Variants in RPGR observed in about 807,000 individuals in gnomAD.
RPGR encodes retinitis pigmentosa GTPase regulator.
Under a neutral mutation model 56.3 loss-of-function variants are expected in RPGR, and 10 were observed. That is an observed-to-expected ratio of 0.18 (90% CI 0.11 to 0.30). RPGR has a LOEUF of 0.30. RPGR is among the 10% of genes least tolerant of loss of function. The probability of loss-of-function intolerance (pLI) is 1.00; values close to 1 mark genes in which losing one functional copy is unlikely to be tolerated. For missense variants in RPGR, 538 were observed against 590.9 expected (o/e 0.91, Z 0.93); for synonymous variants, 197 against 212.9 (o/e 0.93, Z 0.65).
intron 6 of RPGR, among the ~76,000 whole-genome samples, chrX:38,311,097 A>G (rs753140533): frequency 2.7e-5 from 3 of 112,594 alleles, no homozygotes; most frequent in South Asian, 7.2e-4. Flanking sequence ...CTTGCTCCCT[A>G]TGGTATCCCC....
At chrX:38,313,455 T>C (rs1227142464) in intron 6 of RPGR, among the ~76,000 whole-genome samples, 1 of 112,098 alleles carries the variant, frequency 8.9e-6, no homozygotes, top group African/African-American at 3.2e-5. Flanking sequence ...TAAAAGTGCC[T>C]ATGTGATAGG....
intron 8 of RPGR, among the ~76,000 whole-genome samples, chrX:38,304,309 G>C (rs2067556039): frequency 8.9e-6 from 1 of 111,747 alleles, no homozygotes; most frequent in South Asian, 3.7e-4. Context: ...TTTCCTTTTG[G>C]CCTGAGTAGA....
chrX:38,319,047 C>G (rs1218106146), intron 4 of RPGR, 60 bp from the exon 5 acceptor site: 1 of 1,096,945 alleles, frequency 9.1e-7, no homozygotes, highest in Non-Finnish European at 1.3e-6. Context: ...TGAGACAGGT[C>G]AGTGTATAGC....
chrX:38,319,336 A>T (rs763230072), intron 4 of RPGR, among the ~76,000 whole-genome samples: 5 of 112,945 alleles, frequency 4.4e-5, no homozygotes, highest in African/African-American at 1.6e-4. Context: ...TTTAAAAGAG[A>T]TGTGTCCATT....
chrX:38,321,021 C>T lies in RPGR; in HGVS notation c.310+6G>A. On this transcript the variant is annotated splice_donor_region_variant and intron_variant, in intron 4 of 18. Coordinates refer to ENST00000642395, the MANE Select transcript of RPGR (RefSeq NM_000328.3). ...GGCAGGAAATCATACAGGTTGAGCACTATACCTGTTGACACCAGGGTGTGG... is the reference window on the plus strand; with the variant it reads ...GGCAGGAAATCATACAGGTTGAGCATTATACCTGTTGACACCAGGGTGTGG... The T allele has an allele frequency of 8.4e-7, 1 of 1,193,899 alleles. No individual in the cohort carries two copies. Among genetic ancestry groups the T allele is most frequent in the Non-Finnish European group, 1.1e-6 (1 of 879,085 alleles).
chrX:38,269,881 T>G, intron 18 of RPGR: 1 of 922,022 alleles, frequency 1.1e-6, no homozygotes. Flanking sequence ...AAGTGAAACA[T>G]TCACTTAACA....
chrX:38,310,120 C>T (rs2067684167), intron 7 of RPGR, among the ~76,000 whole-genome samples: 1 of 110,745 alleles, frequency 9.0e-6, no homozygotes, highest in South Asian at 3.9e-4. Flanking sequence ...CCTGAGACCA[C>T]ACCTGGCTAA....
At chrX:38,302,720 A>C (rs778649586) in intron 8 of RPGR, 1 of 111,409 alleles carries the variant, frequency 9.0e-6, no homozygotes, top group South Asian at 3.8e-4. Context: ...GGTGGCAAGT[A>C]TAAAAATCGA....
chrX:38,321,620 A>G (rs1016102313), intron 3 of RPGR, among the ~76,000 whole-genome samples: 3 of 108,625 alleles, frequency 2.8e-5, no homozygotes, highest in African/African-American at 1.0e-4. Flanking sequence ...AGATCACACC[A>G]CTGCACTCCA....
intron 15 of RPGR, among the ~76,000 whole-genome samples, chrX:38,278,354 C>A (rs989187359): frequency 4.5e-5 from 5 of 112,153 alleles, no homozygotes; most frequent in African/African-American, 1.6e-4. Flanking sequence ...GATTCTCCTG[C>A]CTCAGCCTCC....
At chrX:38,301,855 G>C in intron 8 of RPGR, among the ~76,000 whole-genome samples, 1 of 110,777 alleles carries the variant, frequency 9.0e-6, no homozygotes, top group South Asian at 3.9e-4. Context: ...AGGATGTTCA[G>C]CAGCATCCTT....
chrX:38,270,046 G>A (rs1399088048), intron 18 of RPGR, among the ~76,000 whole-genome samples: 1 of 111,540 alleles, frequency 9.0e-6, no homozygotes, highest in Non-Finnish European at 1.9e-5. Context: ...AGACCTCTCA[G>A]GGTCTAACAT....
chrX:38,270,643 T>A (rs1214237013), intron 18 of RPGR, among the ~76,000 whole-genome samples: 6 of 100,198 alleles, frequency 6.0e-5, no homozygotes, highest in Admixed American at 1.1e-4. Context: ...AAAAAAAAAG[T>A]CAGTGCTGCC....
intron 1 of RPGR, among the ~76,000 whole-genome samples, chrX:38,325,202 T>C (rs1207443414): frequency 5.5e-5 from 6 of 109,086 alleles, no homozygotes; most frequent in African/African-American, 2.0e-4. Flanking sequence ...AGTCACTGCT[T>C]TTCTGTGTTG....
At chrX:38,284,520 G>A in intron 15 of RPGR, 2 of 746,148 alleles carry the variant, frequency 2.7e-6, no homozygotes, top group Non-Finnish European at 3.2e-6. Flanking sequence ...AGAAATGAAG[G>A]CTCTGATAAA....
At chrX:38,275,295 A>T (rs745329138) in intron 16 of RPGR, 12 of 476,118 alleles carry the variant, frequency 2.5e-5, no homozygotes, top group Non-Finnish European at 4.0e-5. Context: ...AGCTCTTGTA[A>T]AGTGAGGGGC....
rs111631988 is a variant in RPGR at position 38,322,877 on chromosome X, T to C, written c.223A>G (p.Ile75Val). The C allele has an allele frequency of 0.014, 16,831 of 1,208,675 alleles. 224 individuals are homozygous for C. Among genetic ancestry groups the C allele is most frequent in the African/African-American group, 0.089 (5,108 of 57,237 alleles). The change falls in exon 3 of 19, where the codon ATC becomes GTC. Residue 75 changes from isoleucine to valine, a missense_variant. Physicochemically the swap from Ile to Val is conservative, Grantham distance 29. This residue lies in a region of RPGR where 181 missense variants were observed against 265.1 expected (regional missense o/e 0.68). Transcript: ENST00000642395. ...CCTTTGACACATGTTGGCTTGCTGA[T>C]GGCTGACTTTGATCCTAATCCTAAC...
At chrX:38,284,438 T>C (rs2067091312) in intron 15 of RPGR, 1 of 747,533 alleles carries the variant, frequency 1.3e-6, no homozygotes, top group Admixed American at 8.8e-5. Flanking sequence ...ACTTGAAACA[T>C]TCTGACAAGG....
intron 15 of RPGR, chrX:38,286,525 TCTC>T (rs1250854983): frequency 3.2e-5 from 31 of 954,600 alleles, no homozygotes; most frequent in East Asian, 1.6e-4. Flanking sequence ...CTCTTCCCTC[TCTC>T]CTTTCCCCTC....
Sources: gnomAD v4.1 joint callset for allele counts (sites outside exome capture counted in the v4.1 genomes callset) on GRCh38, gnomAD v4.1.1 for gene constraint, gnomAD v4.1.1 regional missense constraint, MANE v1.5 for transcripts, NCBI Gene and HGNC (gene_info 2026-07-23, HGNC 2026-07-21) for gene names.